MBIP: variants seen among roughly 807,000 people sequenced by gnomAD.
MBIP encodes the protein MAP3K12 binding inhibitory protein 1, also known as MAP3K12-binding inhibitory protein 1.
A neutral mutation model predicts 45.7 loss-of-function variants in MBIP; 32 were observed. That is an observed-to-expected ratio of 0.70 (90% CI 0.53 to 0.94). The LOEUF (loss-of-function observed/expected upper bound fraction) is 0.94, where lower values mean the gene tolerates loss of function less well. Among genes scored for constraint, MBIP ranks in the 40% least tolerant of loss-of-function variants. The pLI, the probability that MBIP is intolerant of heterozygous loss-of-function variation, is 0.00. For synonymous variants in MBIP, 145 were observed against 141.0 expected (o/e 1.03, Z -0.20); for missense variants, 381 against 405.5 (o/e 0.94, Z 0.52).
intron 6 of MBIP, among the ~76,000 whole-genome samples, chr14:36,310,454 C>T (rs1418174045): frequency 6.6e-6 from 1 of 152,168 alleles, no homozygotes; most frequent in African/African-American, 2.4e-5. Flanking sequence ...CCTTGACCTA[C>T]CCTGAGAGAG....
At chr14:36,300,892 T>G in intron 7 of MBIP, 69 bp from the exon 8 acceptor site, 1 of 977,316 alleles carries the variant, frequency 1.0e-6, no homozygotes, top group Non-Finnish European at 1.5e-6. Context: ...TATAAAATAC[T>G]GTACAAATTA....
In MBIP at chr14:36,298,956, A is replaced by C. The variant is rs976444811; in HGVS notation, c.*127T>G. 1.7e-6 allele frequency: 1 copy of C among 597,834 alleles called. No homozygotes were observed. The highest frequency in any genetic ancestry group is 1.9e-5 in the African/African-American group (1 of 53,118). 37.0% of individuals were successfully genotyped at this position (597,834 alleles called of 1,614,324 possible). A position where few individuals can be genotyped will look rare whatever the true frequency, so the allele number is the denominator to read the frequency against. ...AGATTACTTGCTGCAAGCTGGACTC[A>C]TGTGAAAATAAACCTTGACTTCACA... On this transcript the variant is annotated 3_prime_UTR_variant, in exon 9 of 9. Transcript: ENST00000416007.
chr14:36,314,234 C>T (rs1880398033), intron 4 of MBIP: 3 of 316,174 alleles, frequency 9.5e-6, no homozygotes, highest in South Asian at 6.5e-5. Flanking sequence ...TCACTCGTAC[C>T]TCACCTTCAT....
Position 36,314,517 on chromosome 14 carries a change from T to C in MBIP, c.566A>G (p.Asn189Ser), listed in dbSNP as rs1191234136. ...ATTAATTTCCAGGTAGTTACCTTGATTACAATCAATAACATTGCAAAATTC... is the reference window on the plus strand; with the variant it reads ...ATTAATTTCCAGGTAGTTACCTTGACTACAATCAATAACATTGCAAAATTC... ...VREFCNVIDC[N>S]QENSCARTDA... The change falls in exon 4 of 9, where the codon AAT becomes AGT. Residue 189 changes from asparagine (N) to serine (S), a missense_variant. Physicochemically the swap from Asn to Ser is conservative, Grantham distance 46. Transcript: ENST00000416007. 3.1e-6 allele frequency: 5 copies of C among 1,601,562 alleles called. No individual in the cohort carries two copies. Among genetic ancestry groups the C allele is most frequent in the Non-Finnish European group, 2.6e-6 (3 of 1,173,820 alleles).
At chr14:36,308,785 C>T (rs897782160) in intron 6 of MBIP, among the ~76,000 whole-genome samples, 4 of 152,148 alleles carry the variant, frequency 2.6e-5, no homozygotes, top group African/African-American at 9.7e-5. Context: ...CCTTTCTGGT[C>T]CAGACCACTT....
chr14:36,304,761 C>T (rs1454008481), intron 7 of MBIP, among the ~76,000 whole-genome samples: 5 of 152,172 alleles, frequency 3.3e-5, no homozygotes, highest in Non-Finnish European at 5.9e-5. Flanking sequence ...AATCTGATTA[C>T]ATTTTATAAA....
At chr14:36,309,327 ATTT>A (rs1367058674) in intron 6 of MBIP, among the ~76,000 whole-genome samples, 1 of 152,030 alleles carries the variant, frequency 6.6e-6, no homozygotes, top group Admixed American at 6.6e-5. Context: ...TTTCTGTATT[ATTT>A]GTTTCCCCAT....
chr14:36,320,481 G>A lies in MBIP; in HGVS notation c.108C>T (p.Ser36=), dbSNP rs944133524. ...SREVLYEIFR[S]LHTLVGQLDL... ...TCACCTGTCCAACCAGGGTGTGTAG[G>A]GAGCGAAAGATTTCGTAGAGCACCT... The change falls in exon 1 of 9, where the codon TCC becomes TCT. Residue 36 remains serine, a synonymous_variant. Coordinates refer to ENST00000416007, the MANE Select transcript of MBIP (RefSeq NM_016586.3). 17 of 1,614,030 alleles carry A rather than the reference G, an allele frequency of 1.1e-5. No homozygotes were observed. The highest frequency in any genetic ancestry group is 1.4e-5 in the Non-Finnish European group (16 of 1,180,046).
At chr14:36,303,699 C>A (rs1343486309) in intron 7 of MBIP, among the ~76,000 whole-genome samples, 1 of 152,156 alleles carries the variant, frequency 6.6e-6, no homozygotes, top group Non-Finnish European at 1.5e-5. Flanking sequence ...CGCACATGCA[C>A]ACACACATAT....
chr14:36,300,396 C>T lies in MBIP; in HGVS notation c.927+389G>A, dbSNP rs550323789. ...AAGGTTCAACTAATTAGTAAAGTAG[C>T]ACTTTAGACAGGGCTGGCTGAAGTC... is the stretch of plus-strand genomic sequence containing the variant. On this transcript the variant is annotated intron_variant, in intron 8 of 8. Coordinates refer to ENST00000416007, the MANE Select transcript of MBIP (RefSeq NM_016586.3). Among the ~76,000 whole-genome samples, 90 of 152,282 alleles carry T rather than the reference C, an allele frequency of 5.9e-4. No homozygotes were observed. The South Asian group carries it at 0.018, about 31-fold the overall frequency.
chr14:36,304,059 C>T (rs531975249), intron 7 of MBIP, among the ~76,000 whole-genome samples: 2 of 152,264 alleles, frequency 1.3e-5, no homozygotes, highest in East Asian at 3.9e-4. Flanking sequence ...TCAAGGCCCT[C>T]TGAAATATGT....
chr14:36,320,395 G>A (rs1880822696), intron 1 of MBIP, 65 bp downstream of exon 1: 22 of 1,609,788 alleles, frequency 1.4e-5, no homozygotes, highest in Middle Eastern at 3.3e-4. Context: ...CTCTGCTAGA[G>A]AAAAAGAATG....
chr14:36,312,782 ATACGATAC>A (rs144446766), intron 4 of MBIP, among the ~76,000 whole-genome samples: 7,536 of 152,160 alleles, frequency 0.05, 562 homozygotes, highest in African/African-American at 0.17. Context: ...ATATATTAAC[ATACGATAC>A]TACATAGTAA....
At chr14:36,306,824 T>C (rs1566549617) in intron 7 of MBIP, among the ~76,000 whole-genome samples, 1 of 152,194 alleles carries the variant, frequency 6.6e-6, no homozygotes, top group East Asian at 1.9e-4. Context: ...TAAAAATCTT[T>C]ATGAAGTCTC....
intron 7 of MBIP, among the ~76,000 whole-genome samples, chr14:36,306,528 C>T (rs1173960461): frequency 2.0e-5 from 3 of 152,280 alleles, no homozygotes; most frequent in Admixed American, 2.0e-4. Flanking sequence ...CCACCTTGGC[C>T]TCCCAAAGTG....
At chr14:36,311,877 G>A in intron 5 of MBIP, 82 bp downstream of exon 5, 1 of 1,261,410 alleles carries the variant, frequency 7.9e-7, no homozygotes, top group Non-Finnish European at 1.1e-6. Flanking sequence ...ATAAAATTTA[G>A]ATGGGAAAGT....
At chr14:36,309,851 G>A (rs1880099015) in intron 6 of MBIP, among the ~76,000 whole-genome samples, 1 of 152,114 alleles carries the variant, frequency 6.6e-6, no homozygotes, top group Admixed American at 6.5e-5. Context: ...GTCCAGGCTG[G>A]TCTCAAACTC....
chr14:36,305,839 T>C (rs1879839705), intron 7 of MBIP, among the ~76,000 whole-genome samples: 1 of 152,242 alleles, frequency 6.6e-6, no homozygotes, highest in Admixed American at 6.5e-5. Flanking sequence ...TCTATCCTTG[T>C]TCTCTGTCTC....
At chr14:36,306,613 G>A (rs1454312637) in intron 7 of MBIP, among the ~76,000 whole-genome samples, 2 of 152,048 alleles carry the variant, frequency 1.3e-5, no homozygotes, top group Non-Finnish European at 2.9e-5. Flanking sequence ...GAGAAGAGAG[G>A]AATGATGCTG....
Sources: allele counts gnomAD v4.1 joint callset (sites outside exome capture counted in the v4.1 genomes callset), GRCh38; gene constraint gnomAD v4.1.1; transcripts MANE v1.5; gene names NCBI Gene and HGNC (gene_info 2026-07-23, HGNC 2026-07-21).